VSIG1: variants seen among roughly 807,000 people sequenced by gnomAD.
VSIG1 encodes the protein V-set and immunoglobulin domain containing 1.
Under a neutral mutation model 20.1 loss-of-function variants are expected in VSIG1, and 11 were observed. That is an observed-to-expected ratio of 0.55 (90% CI 0.34 to 0.91). VSIG1 has a LOEUF of 0.91. Ranked by LOEUF, VSIG1 falls within the 40% of genes least tolerant of loss-of-function variation. The pLI, the probability that VSIG1 is intolerant of heterozygous loss-of-function variation, is 0.02. For synonymous variants in VSIG1, 126 were observed against 116.7 expected (o/e 1.08, Z -0.52); for missense variants, 283 against 298.8 (o/e 0.95, Z 0.39).
rs1410374782 is a variant in VSIG1, at chrX:108,079,153, T to G, written c.*1772T>G. On this transcript the variant is annotated 3_prime_UTR_variant, in exon 7 of 7. Coordinates refer to ENST00000217957, the MANE Select transcript of VSIG1 (RefSeq NM_182607.5). ...TAAACAACTTTTTCTGACATAGCAT[T>G]TATGTATAATAAACCAGACATTTAA... 1 of 112,427 alleles carries G rather than the reference T, an allele frequency of 8.9e-6. No homozygotes were observed. Among genetic ancestry groups the G allele is most frequent in the Non-Finnish European group, 1.9e-5 (1 of 53,304 alleles). 9.3% of individuals were successfully genotyped at this position (112,427 alleles called of 1,213,427 possible). A position where few individuals can be genotyped will look rare whatever the true frequency, so the allele number is the denominator to read the frequency against.
the VSIG1 span, among the ~76,000 whole-genome samples, chrX:108,031,740 C>G: frequency 8.9e-6 from 1 of 112,448 alleles, no homozygotes; most frequent in Admixed American, 9.4e-5. Flanking sequence ...TTTAAATTGA[C>G]AGATATCATT....
intron 1 of VSIG1, among the ~76,000 whole-genome samples, chrX:108,047,303 T>A (rs935828297): frequency 4.5e-5 from 5 of 112,218 alleles, no homozygotes; most frequent in Non-Finnish European, 9.4e-5. Flanking sequence ...AGATTTTGCT[T>A]AAATCAAAAT....
In VSIG1 at chrX:108,058,114, C is replaced by T. The variant is rs773193026; in HGVS notation, c.126C>T (p.Ile42=). The change falls in exon 2 of 7, where the codon ATC becomes ATT. Residue 42 remains isoleucine, a synonymous_variant. Coordinates refer to ENST00000217957, the MANE Select transcript of VSIG1 (RefSeq NM_182607.5). ...NVTVGSNVTL[I]CIYTTTVASR... is the part of the protein sequence containing the mutation. ...CTGTTGGATCTAATGTCACTCTCATCTGCATCTACACCACCACTGTGGCCT... is the reference window on the plus strand; with the variant it reads ...CTGTTGGATCTAATGTCACTCTCATTTGCATCTACACCACCACTGTGGCCT... 9.9e-6 allele frequency: 12 copies of T among 1,211,026 alleles called. No individual in the cohort carries two copies. The South Asian group carries it at 1.4e-4, about 14-fold the overall frequency.
intron 1 of VSIG1, among the ~76,000 whole-genome samples, chrX:108,047,937 C>T (rs761116087): frequency 1.5e-4 from 5 of 33,588 alleles, no homozygotes; most frequent in Non-Finnish European, 1.9e-4. Flanking sequence ...TATATATACA[C>T]ATATATATAT....
upstream of VSIG1, among the ~76,000 whole-genome samples, chrX:108,042,357 G>T (rs2030493962): frequency 8.9e-6 from 1 of 111,927 alleles, no homozygotes; most frequent in African/African-American, 3.3e-5. Context: ...GAATTAATTA[G>T]CAAGCTCTTA....
chrX:108,047,917 T>TATACAC lies in VSIG1; in HGVS notation c.49+2739_49+2740insTACACA, dbSNP rs1555980355. On this transcript the variant is annotated intron_variant, in intron 1 of 6. Coordinates refer to ENST00000217957, the MANE Select transcript of VSIG1 (RefSeq NM_182607.5). ...ATATATATATATACACATATATATA[T>TATACAC]ACACATATATATATATACACATATA... is the stretch of plus-strand genomic sequence containing the variant. Among the ~76,000 whole-genome samples, 27 of 53,829 alleles carry TATACAC rather than the reference T, an allele frequency of 5.0e-4. 3 individuals are homozygous for TATACAC. Among genetic ancestry groups the TATACAC allele is most frequent in the African/African-American group, 2.5e-3 (24 of 9,734 alleles). The allele number at this position is 53,829 out of a possible 115,157, so 46.7% of individuals were successfully genotyped here. A position where few individuals can be genotyped will look rare whatever the true frequency, so the allele number is the denominator to read the frequency against.
rs2030684090 is a variant in VSIG1 at position 108,047,965 on chromosome X, T to TATATATATATACAC, written c.49+2797_49+2798insCACATATATATATA. Among the ~76,000 whole-genome samples the TATATATATATACAC allele has an allele frequency of 8.0e-4, 15 of 18,704 alleles. 1 individual carries two copies. Among genetic ancestry groups the TATATATATATACAC allele is most frequent in the Non-Finnish European group, 1.3e-3 (13 of 9,709 alleles). 16.2% of individuals were successfully genotyped at this position (18,704 alleles called of 115,157 possible). A position where few individuals can be genotyped will look rare whatever the true frequency, so the allele number is the denominator to read the frequency against. ...ATATATATATATATACACACACATA[T>TATATATATATACAC]ATATATATATATATATATATATATA... On this transcript the variant is annotated intron_variant, in intron 1 of 6. Transcript: ENST00000217957.
chrX:108,053,437 T>C (rs1194640322), intron 1 of VSIG1, among the ~76,000 whole-genome samples: 1 of 111,313 alleles, frequency 9.0e-6, no homozygotes, highest in African/African-American at 3.3e-5. Context: ...CACACATGAA[T>C]GTTGAATACC....
At chrX:108,047,957 C>CACATATATATATAT (rs2030675232) in intron 1 of VSIG1, among the ~76,000 whole-genome samples, 2 of 25,890 alleles carry the variant, frequency 7.7e-5, no homozygotes, top group Non-Finnish European at 1.1e-4. Context: ...TATATATACA[C>CACATATATATATAT]ACACATATAT....
chrX:108,038,307 G>A, the VSIG1 span, among the ~76,000 whole-genome samples: 1 of 110,836 alleles, frequency 9.0e-6, no homozygotes, highest in Non-Finnish European at 1.9e-5. Context: ...GTGTCCATGT[G>A]TTCTCATTGT....
chrX:108,051,695 G>A (rs1297015295), intron 1 of VSIG1, among the ~76,000 whole-genome samples: 3 of 110,947 alleles, frequency 2.7e-5, no homozygotes, highest in Non-Finnish European at 5.7e-5. Context: ...ATCTGACAAG[G>A]ATTTCAAAGT....
chrX:108,063,672 A>G (rs1364180956), intron 2 of VSIG1, among the ~76,000 whole-genome samples: 2 of 111,067 alleles, frequency 1.8e-5, no homozygotes, highest in Non-Finnish European at 3.8e-5. Flanking sequence ...TAGAAACCAC[A>G]AACCAAACTA....
Position 108,065,704 on chromosome X carries a change from C to G in VSIG1, c.214-1232C>G, listed in dbSNP as rs150954338. ...TTCTTAAAATCTTAAAAAATATCTA[C>G]CTTAATCTACCCTATGCAACAATAT... On this transcript the variant is annotated intron_variant, in intron 2 of 6. Coordinates refer to ENST00000217957, the MANE Select transcript of VSIG1 (RefSeq NM_182607.5). Among the ~76,000 whole-genome samples the G allele has an allele frequency of 6.8e-3, 755 of 111,643 alleles. 27 individuals carry two copies. The East Asian group carries it at 0.11, about 16-fold the overall frequency.
At chrX:108,061,493 G>T (rs774749089) in intron 2 of VSIG1, 4 of 1,166,841 alleles carry the variant, frequency 3.4e-6, no homozygotes, top group Middle Eastern at 2.3e-4. Context: ...TAAAAATGAC[G>T]CACGCAAGAG....
chrX:108,043,244 C>T (rs866550090), upstream of VSIG1, among the ~76,000 whole-genome samples: 2 of 112,333 alleles, frequency 1.8e-5, no homozygotes, highest in Middle Eastern at 4.6e-3. Flanking sequence ...CGGCCCAGTA[C>T]GCAGAATTCA....
chrX:108,042,584 A>T (rs1169402735), upstream of VSIG1, among the ~76,000 whole-genome samples: 1 of 111,954 alleles, frequency 8.9e-6, no homozygotes, highest in Non-Finnish European at 1.9e-5. Flanking sequence ...TGGCTTACAA[A>T]TGCCAGACTT....
In VSIG1 at chrX:108,072,835, A is replaced by G; in HGVS notation, c.568+3A>G. On this transcript the variant is annotated splice_donor_region_variant and intron_variant, in intron 4 of 6. Transcript: ENST00000217957. ...CGTGCCAGTGAAAGAAAACTTCAGT[A>G]AGTGTAACCTGCAGTAGACCCTGGA... The G allele has an allele frequency of 2.5e-6, 3 of 1,209,888 alleles. No individual in the cohort carries two copies. Among genetic ancestry groups the G allele is most frequent in the Non-Finnish European group, 3.4e-6 (3 of 894,398 alleles).
In VSIG1 at chrX:108,058,087, G is replaced by A. The variant is rs2030944797; in HGVS notation, c.99G>A (p.Val33=). ...CCATCCCAGACGGTTTCGTGAACGT[G>A]ACTGTTGGATCTAATGTCACTCTCA... ...QVTIPDGFVN[V]TVGSNVTLIC... The change falls in exon 2 of 7, where the codon GTG becomes GTA. Residue 33 remains valine (V), a synonymous_variant. Coordinates refer to ENST00000217957, the MANE Select transcript of VSIG1 (RefSeq NM_182607.5). The A allele has an allele frequency of 1.7e-6, 2 of 1,210,872 alleles. No homozygotes were observed. The highest frequency in any genetic ancestry group is 1.7e-5 in the African/African-American group (1 of 57,697).
intron 2 of VSIG1, among the ~76,000 whole-genome samples, chrX:108,058,764 A>G (rs2030962456): frequency 9.0e-6 from 1 of 111,612 alleles, no homozygotes; most frequent in South Asian, 3.8e-4. Context: ...TGGAGTGGGT[A>G]GGCATAGGGT....
Sources: allele counts gnomAD v4.1 joint callset (sites outside exome capture counted in the v4.1 genomes callset), GRCh38; gene constraint gnomAD v4.1.1; transcripts MANE v1.5; gene names NCBI Gene and HGNC (gene_info 2026-07-23, HGNC 2026-07-21).